Variants in DHX38 observed in about 807,000 individuals in gnomAD.
DHX38 encodes DEAH-box helicase 38, also known as pre-mRNA-splicing factor ATP-dependent RNA helicase PRP16.
In DHX38, 100 loss-of-function variants were observed where a neutral mutation model predicts 153.1. The ratio of observed to expected loss-of-function variants is 0.65; its 90% confidence interval spans 0.56 to 0.77. The LOEUF is 0.77. Among genes scored for constraint, DHX38 ranks in the 30% least tolerant of loss-of-function variants. The probability of loss-of-function intolerance (pLI) is 0.00; values close to 1 mark genes in which losing one functional copy is unlikely to be tolerated. For missense variants in DHX38, 1,440 were observed against 1,654.0 expected (o/e 0.87, Z 2.24); for synonymous variants, 650 against 631.7 (o/e 1.03, Z -0.43).
chr16:72,099,945 A>AAGC lies in DHX38; in HGVS notation c.1116+64_1116+66dup, dbSNP rs2062218094. 3.9e-6 allele frequency: 6 copies of AAGC among 1,546,186 alleles called. 1 individual carries two copies. The highest frequency in any genetic ancestry group is 5.2e-6 in the Non-Finnish European group (6 of 1,144,420). On this transcript the variant is annotated intron_variant, in intron 8 of 26. Coordinates refer to ENST00000268482, the MANE Select transcript of DHX38 (RefSeq NM_014003.4). The stretch of plus-strand genomic sequence containing the variant: ...AGAGCTGGAGGTAGAGCACGTGGGG[A>AAGC]AGCAGCAGGTTATCCCCAAGTGAGG...
chr16:72,094,856 G>A (rs887355312), intron 1 of DHX38, among the ~76,000 whole-genome samples: 10 of 152,238 alleles, frequency 6.6e-5, no homozygotes, highest in African/African-American at 2.4e-4. Flanking sequence ...GCGTAGAATG[G>A]CAGTCCAGGG....
intron 8 of DHX38, 113 bp from the exon 9 acceptor site, chr16:72,100,323 T>C (rs745320921): frequency 1.9e-5 from 26 of 1,397,506 alleles, no homozygotes; most frequent in Non-Finnish European, 2.4e-5. Context: ...TGTGACATCT[T>C]TGCAGCTACC....
At chr16:72,103,048 G>C in intron 11 of DHX38, 26 bp from the exon 12 acceptor site, 1 of 1,613,284 alleles carries the variant, frequency 6.2e-7, no homozygotes, top group Non-Finnish European at 8.5e-7. Context: ...ACCATGCAGG[G>C]TGTTTAGGCT....
chr16:72,096,470 C>A lies in DHX38; in HGVS notation c.313C>A (p.Arg105=), dbSNP rs1019646325. 1 of 1,611,964 alleles carries A rather than the reference C, an allele frequency of 6.2e-7. No homozygotes were observed. Among genetic ancestry groups the A allele is most frequent in the Non-Finnish European group, 8.5e-7 (1 of 1,179,266 alleles). ...CGGTGACCAGGCTGGCCAAAATATC[C>A]GGAAAGACAGGTAAAGGCCTTAGTA... The part of the protein sequence containing the change: ...EGGDQAGQNI[R]KDRHYRSARV... The change falls in exon 2 of 27, where the codon CGG becomes AGG. Residue 105 remains arginine, a synonymous_variant. Coordinates refer to ENST00000268482, the MANE Select transcript of DHX38 (RefSeq NM_014003.4).
chr16:72,107,585 T>G lies in DHX38; in HGVS notation c.2809+37T>G, dbSNP rs766741471. On this transcript the variant is annotated intron_variant, in intron 20 of 26. Transcript: ENST00000268482. This position sits in a 1 kb window ranked among gnomAD's most constrained non-coding sequence, Gnocchi z 5.3. ...CCGGGAGCCTCATGGGTGCTGGCGC[T>G]TGACTTCCTTCTTTCCTCTACTGTC... 2 of 1,609,218 alleles carry G rather than the reference T, an allele frequency of 1.2e-6. No homozygotes were observed. Among genetic ancestry groups the G allele is most frequent in the African/African-American group, 2.7e-5 (2 of 74,804 alleles).
rs2042189929 is a variant in DHX38 at position 72,107,190 on chromosome 16, T to G, written c.2601-150T>G. 3 of 778,322 alleles carry G rather than the reference T, an allele frequency of 3.9e-6. No homozygotes were observed. In the Admixed American group the frequency reaches 8.7e-5, roughly 23 times the overall value. 48.2% of individuals were successfully genotyped at this position (778,322 alleles called of 1,614,324 possible). A position where few individuals can be genotyped will look rare whatever the true frequency, so the allele number is the denominator to read the frequency against. On this transcript the variant is annotated intron_variant, in intron 19 of 26. Transcript: ENST00000268482. The surrounding 1 kb of genome is among the most constrained non-coding windows in gnomAD (Gnocchi z 5.3). ...CAGAAGAAGGGCTAAATTGGCAGAT[T>G]GGAGTTTTGAATAGGTGGAAGTCAG...
At position 72,108,499 on chromosome 16, in the gene DHX38, G is replaced by C. The variant is rs1244413569; in HGVS notation, c.3147G>C (p.Lys1049Asn). 1 of 1,614,198 alleles carries C rather than the reference G, an allele frequency of 6.2e-7. No individual in the cohort carries two copies. The highest frequency in any genetic ancestry group is 1.7e-5 in the Admixed American group (1 of 60,030). ...TCCGGGAGGTGCGAGCTCAACTCAA[G>C]GACATCATGGTGCAGCAGCGGATGA... ...RKVREVRAQL[K>N]DIMVQQRMSL... The change falls in exon 23 of 27, where the codon AAG becomes AAC. Residue 1049 changes from lysine to asparagine, a missense_variant. Coordinates refer to ENST00000268482, the MANE Select transcript of DHX38 (RefSeq NM_014003.4).
In DHX38 at chr16:72,096,123, T is replaced by C; in HGVS notation, c.-19-16T>C. On this transcript the variant is annotated splice_polypyrimidine_tract_variant and intron_variant, in intron 1 of 26. Coordinates refer to ENST00000268482, the MANE Select transcript of DHX38 (RefSeq NM_014003.4). Reference sequence around the variant, plus strand: ...CTGAGCCTTCTCTAGTACCAAATGGTTTGCCTTCCTTCCAGAGAAATCCCA... The same window carrying C: ...CTGAGCCTTCTCTAGTACCAAATGGCTTGCCTTCCTTCCAGAGAAATCCCA... The C allele has an allele frequency of 6.4e-7, 1 of 1,570,474 alleles. No homozygotes were observed. Among genetic ancestry groups the C allele is most frequent in the African/African-American group, 1.3e-5 (1 of 74,202 alleles).
rs1164528689 is a variant in DHX38, at chr16:72,112,868, T to C, written c.*371T>C. 1 of 699,040 alleles carries C rather than the reference T, an allele frequency of 1.4e-6. No individual in the cohort carries two copies. Among genetic ancestry groups the C allele is most frequent in the Admixed American group, 2.0e-5 (1 of 49,092 alleles). The allele number at this position is 699,040 out of a possible 1,614,324, so 43.3% of individuals were successfully genotyped here. A position where few individuals can be genotyped will look rare whatever the true frequency, so the allele number is the denominator to read the frequency against. The stretch of plus-strand genomic sequence containing the variant: ...GACCTAAAGGGAATTGTAATTTGGT[T>C]ATAATTCAGGATTTGGAAATAAATT... On this transcript the variant is annotated 3_prime_UTR_variant, in exon 27 of 27. Transcript: ENST00000268482.
Position 72,104,387 on chromosome 16 carries a change from G to C in DHX38, c.2011-99G>C, listed in dbSNP as rs2042143400. ...AAGAATTGAATAGGCCCATTTGTCA[G>C]CTTTGGCTTGTGTTTCCTCGGGGGT... On this transcript the variant is annotated intron_variant, in intron 14 of 26. Transcript: ENST00000268482. The surrounding 1 kb of genome is among the most constrained non-coding windows in gnomAD (Gnocchi z 4.5). The C allele has an allele frequency of 1.3e-6, 2 of 1,515,356 alleles. No individual in the cohort carries two copies. The highest frequency in any genetic ancestry group is 2.8e-5 in the African/African-American group (2 of 72,606). The allele number at this position is 1,515,356 out of a possible 1,614,324, so 93.9% of individuals were successfully genotyped here.
chr16:72,103,257 C>T (rs2042125268), intron 12 of DHX38, 46 bp downstream of exon 12: 5 of 1,593,244 alleles, frequency 3.1e-6, no homozygotes, highest in Non-Finnish European at 4.3e-6. Flanking sequence ...GTCAGGGGTG[C>T]CCTTGGTCTC....
chr16:72,105,179 G>C (rs929426934), intron 16 of DHX38, 42 bp downstream of exon 16: 15 of 1,613,670 alleles, frequency 9.3e-6, no homozygotes, highest in Non-Finnish European at 1.2e-5. Context: ...GGTGTGTCTT[G>C]CATATGAGAG....
At chr16:72,097,999 G>C (rs544387052) in intron 4 of DHX38, among the ~76,000 whole-genome samples, 1 of 152,296 alleles carries the variant, frequency 6.6e-6, no homozygotes, top group South Asian at 2.1e-4. Context: ...TGAATGGCCA[G>C]TTTTCCAAAT....
chr16:72,111,941 T>C (rs1314529675), intron 26 of DHX38, among the ~76,000 whole-genome samples: 1 of 152,198 alleles, frequency 6.6e-6, no homozygotes, highest in Non-Finnish European at 1.5e-5. Context: ...CAGCCTGCCT[T>C]GAGTCATGTT....
rs2042174310 is a variant in DHX38 at position 72,106,181 on chromosome 16, G to A, written c.2600+64G>A. The stretch of plus-strand genomic sequence containing the variant: ...TGGGGTTGCTGAGCGTGGAGCCCGG[G>A]CGGGGGCGGGCAGGATGCTGGCTCT... On this transcript the variant is annotated intron_variant, in intron 19 of 26. Coordinates refer to ENST00000268482, the MANE Select transcript of DHX38 (RefSeq NM_014003.4). The A allele has an allele frequency of 5.9e-6, 9 of 1,513,630 alleles. No homozygotes were observed. In the East Asian group the frequency reaches 1.4e-4, roughly 23 times the overall value. The allele number at this position is 1,513,630 out of a possible 1,614,324, so 93.8% of individuals were successfully genotyped here. A position where few individuals can be genotyped will look rare whatever the true frequency, so the allele number is the denominator to read the frequency against.
chr16:72,097,004 A>G lies in DHX38; in HGVS notation c.506A>G (p.Asp169Gly). The change falls in exon 3 of 27, where the codon GAC (aspartate) becomes GGC (glycine). Residue 169 changes from aspartate to glycine, a missense_variant. By Grantham distance (94) the Asp-to-Gly change is moderately conservative (BLOSUM62 -1). Around this residue, in one of 6 missense-constraint regions of DHX38, gnomAD observed 483 missense variants for 465.1 expected, o/e 1.04. Transcript: ENST00000268482. ...SRDRDYDRKR[D>G]RDERDRSRHS... ...GATCGAGACTATGACCGCAAGAGGGACAGAGGTAAACTGTCCAGCACAGTT... is the reference window on the plus strand; with the variant it reads ...GATCGAGACTATGACCGCAAGAGGGGCAGAGGTAAACTGTCCAGCACAGTT... The G allele has an allele frequency of 6.2e-7, 1 of 1,613,500 alleles. No individual in the cohort carries two copies. Among genetic ancestry groups the G allele is most frequent in the Non-Finnish European group, 8.5e-7 (1 of 1,179,690 alleles).
chr16:72,097,499 A>T, intron 3 of DHX38, 178 bp from the exon 4 acceptor site: 1 of 568,700 alleles, frequency 1.8e-6, no homozygotes, highest in Non-Finnish European at 3.1e-6. Context: ...TCTAGGCAGT[A>T]ACTATTTTTC....
intron 7 of DHX38, 136 bp from the exon 8 acceptor site, chr16:72,099,596 C>A: frequency 8.3e-7 from 1 of 1,210,658 alleles, no homozygotes; most frequent in Non-Finnish European, 1.2e-6. Context: ...TGCAGGGAGG[C>A]CTCTCCTGCA....
intron 19 of DHX38, 34 bp downstream of exon 19, chr16:72,106,151 A>G (rs2042173610): frequency 1.2e-6 from 2 of 1,604,392 alleles, no homozygotes; most frequent in Non-Finnish European, 1.7e-6. Context: ...TTTCTGGGGC[A>G]GCGCTGGGGT....
Sources: gnomAD v4.1 joint callset for allele counts (sites outside exome capture counted in the v4.1 genomes callset) on GRCh38, gnomAD v4.1.1 for gene constraint, gnomAD v4.1.1 regional missense constraint, Gnocchi (gnomAD v3.1) non-coding constraint, MANE v1.5 for transcripts, NCBI Gene and HGNC (gene_info 2026-07-23, HGNC 2026-07-21) for gene names.